The following MTRES1 variants were observed in gnomAD, a reference collection of about 807,000 sequenced individuals.
The protein encoded by MTRES1 is uncharacterized protein C6orf203.
MTRES1 carries 11 observed loss-of-function variants against 17.4 expected under a neutral mutation model. The observed-to-expected ratio is 0.63, with a 90% CI of 0.40 to 1.05. MTRES1 has a LOEUF of 1.05. Among genes scored for constraint, MTRES1 ranks in the 50% least tolerant of loss-of-function variants. MTRES1 has a pLI of 0.00. For synonymous variants in MTRES1, 94 were observed against 99.6 expected, an observed-to-expected ratio of 0.94 and a Z score of 0.34; for missense variants, 268 against 276.2, an observed-to-expected ratio of 0.97 and a Z score of 0.21.
At chr6:107,050,840 G>GC (rs1774577837) in intron 3 of MTRES1, among the ~76,000 whole-genome samples, 1 of 152,148 alleles carries the variant, frequency 6.6e-6, no homozygotes, top group African/African-American at 2.4e-5. Flanking sequence ...GCCTCCCAAA[G>GC]TGCTGGGATT....
Position 107,051,215 on chromosome 6 carries a change from TAAG to T in MTRES1, c.707_709del (p.Lys236del). 6.2e-7 allele frequency: 1 copy of T among 1,613,662 alleles called. No homozygotes were observed. The highest frequency in any genetic ancestry group is 8.5e-7 in the Non-Finnish European group (1 of 1,179,812). On this transcript the variant is annotated inframe_deletion, in exon 4 of 4. Coordinates refer to ENST00000311381, the MANE Select transcript of MTRES1 (RefSeq NM_016487.5). ...GGCGGTGGAAAAGTTTAAAGTTGCCTAAGAAGAGAATGTCTAAATAAATGGATT... is the reference window on the plus strand; with the variant it reads ...GGCGGTGGAAAAGTTTAAAGTTGCCTAAGAGAATGTCTAAATAAATGGATT...
intron 3 of MTRES1, among the ~76,000 whole-genome samples, chr6:107,045,881 G>A (rs1177318460): frequency 6.6e-6 from 1 of 152,192 alleles, no homozygotes; most frequent in African/African-American, 2.4e-5. Context: ...CCTGGGGTTG[G>A]AGGATCCGAA....
intron 2 of MTRES1, among the ~76,000 whole-genome samples, chr6:107,041,087 G>C (rs547145193): frequency 1.3e-5 from 2 of 151,020 alleles, no homozygotes; most frequent in African/African-American, 4.9e-5. Context: ...TTAGCCAGGC[G>C]TGGTGGCAGG....
chr6:107,040,255 T>C (rs553477922), intron 2 of MTRES1, 25 bp downstream of exon 2: 1 of 1,557,418 alleles, frequency 6.4e-7, no homozygotes, highest in African/African-American at 1.4e-5. Flanking sequence ...CATTTCATTA[T>C]AAACTCGCTC....
rs553069102 is a variant in MTRES1, at chr6:107,049,659, C to T, written c.544-1398C>T. ...CGATCTCCTGACCTTATGATCTGCC[C>T]ACCTCAGCCTCCCAAAGTACTGGGA... is the stretch of plus-strand genomic sequence containing the variant. On this transcript the variant is annotated intron_variant, in intron 3 of 3. Transcript: ENST00000311381. 1.5e-4 allele frequency among the ~76,000 whole-genome samples: 23 copies of T among 151,276 alleles called. No individual in the cohort carries two copies. In the East Asian group the frequency reaches 3.3e-3, roughly 22 times the overall value.
At chr6:107,036,807 G>A (rs564375617) in intron 1 of MTRES1, among the ~76,000 whole-genome samples, 4 of 150,060 alleles carry the variant, frequency 2.7e-5, no homozygotes, top group Admixed American at 6.7e-5. Context: ...CTGAGATCGC[G>A]CCACTGTACT....
chr6:107,040,058 A>C lies in MTRES1; in HGVS notation c.298A>C (p.Lys100Gln). Residue 100 changes from lysine (K) to glutamine (Q), a missense_variant, in exon 2 of 4, where the codon AAA (lysine) becomes CAA (glutamine). Coordinates refer to ENST00000311381, the MANE Select transcript of MTRES1 (RefSeq NM_016487.5). Reference sequence around the variant, plus strand: ...AAAATCTACTAAAAAGTCTCTGCAAAAAGTAGATGAAGAGGACTCTGATGA... The same window carrying C: ...AAAATCTACTAAAAAGTCTCTGCAACAAGTAGATGAAGAGGACTCTGATGA... ...STKSTKKSLQ[K>Q]VDEEDSDEES... 1 of 1,613,568 alleles carries C rather than the reference A, an allele frequency of 6.2e-7. No individual in the cohort carries two copies. Among genetic ancestry groups the C allele is most frequent in the Non-Finnish European group, 8.5e-7 (1 of 1,179,936 alleles).
intron 1 of MTRES1, among the ~76,000 whole-genome samples, chr6:107,030,678 G>T (rs543296959): frequency 1.3e-5 from 2 of 152,176 alleles, no homozygotes; most frequent in South Asian, 4.1e-4. Flanking sequence ...AATTTCCGCC[G>T]CCCAGAAAAA....
Position 107,028,233 on chromosome 6 carries a change from G to C in MTRES1, c.-51G>C, listed in dbSNP as rs576834224. On this transcript the variant is annotated 5_prime_UTR_variant, in exon 1 of 4. Transcript: ENST00000311381. The stretch of plus-strand genomic sequence containing the variant: ...GGGGTAGCCTGGAGGCCTGCAGTCC[G>C]CGCGGCCGCGGGGAGGGACGAGAGG... 6.6e-6 allele frequency: 1 copy of C among 152,280 alleles called. No homozygotes were observed. Among genetic ancestry groups the C allele is most frequent in the South Asian group, 2.1e-4 (1 of 4,830 alleles). The allele number at this position is 152,280 out of a possible 1,614,324, so 9.4% of individuals were successfully genotyped here.
intron 3 of MTRES1, among the ~76,000 whole-genome samples, chr6:107,049,738 T>TTTTTG (rs1774529441): frequency 1.1e-5 from 1 of 90,630 alleles, no homozygotes; most frequent in Non-Finnish European, 2.3e-5. Context: ...TTTTTTTTTT[T>TTTTTG]GAGACAGAGC....
At chr6:107,034,306 C>G (rs1408857686) in intron 1 of MTRES1, among the ~76,000 whole-genome samples, 2 of 152,052 alleles carry the variant, frequency 1.3e-5, no homozygotes, top group African/African-American at 4.8e-5. Flanking sequence ...TGTGGGCACC[C>G]AGGGTCTGAC....
intron 3 of MTRES1, 93 bp downstream of exon 3, chr6:107,044,425 C>T (rs1774324840): frequency 1.0e-6 from 1 of 968,422 alleles, no homozygotes; most frequent in Admixed American, 1.9e-5. Flanking sequence ...CCCTCTGGCT[C>T]CTCTTCTTTC....
intron 1 of MTRES1, among the ~76,000 whole-genome samples, chr6:107,030,438 G>A (rs78867543): frequency 0.011 from 1,641 of 152,200 alleles, 14 homozygotes; most frequent in African/African-American, 0.022. Context: ...ATTTATTATA[G>A]CAAAAGGATA....
At chr6:107,042,544 AG>A (rs1774255056) in intron 2 of MTRES1, among the ~76,000 whole-genome samples, 1 of 152,112 alleles carries the variant, frequency 6.6e-6, no homozygotes, top group Non-Finnish European at 1.5e-5. Context: ...TATCAAAAAA[AG>A]GTGTACTGAT....
chr6:107,040,230 A>G lies in MTRES1; in HGVS notation c.470A>G (p.Asn157Ser), dbSNP rs782257607. 3 of 1,583,134 alleles carry G rather than the reference A, an allele frequency of 1.9e-6. No homozygotes were observed. The highest frequency in any genetic ancestry group is 2.6e-6 in the Non-Finnish European group (3 of 1,170,162). Residue 157 changes from asparagine to serine, a missense_variant and splice_region_variant, in exon 2 of 4, where the codon AAC becomes AGC. Asn to Ser is a conservative substitution (Grantham distance 46, BLOSUM62 1). Coordinates refer to ENST00000311381, the MANE Select transcript of MTRES1 (RefSeq NM_016487.5). ...VLKTGLDIGR[N>S]KVEDAFYKGE... ...AAGACGGGGCTAGATATTGGGAGAA[A>G]GTGAGTATGATACGCATTTCATTAT...
At chr6:107,040,331 C>T in intron 2 of MTRES1, 101 bp downstream of exon 2, 1 of 1,038,182 alleles carries the variant, frequency 9.6e-7, no homozygotes, top group Non-Finnish European at 1.3e-6. Context: ...AGAATAACCA[C>T]AATAAAAGGA....
intron 1 of MTRES1, among the ~76,000 whole-genome samples, chr6:107,039,323 T>A (rs1321644251): frequency 6.6e-6 from 1 of 151,722 alleles, no homozygotes; most frequent in Non-Finnish European, 1.5e-5. Flanking sequence ...TGTTTTTTGG[T>A]TTTTTTTAAT....
chr6:107,031,968 G>A (rs1773860828), intron 1 of MTRES1, among the ~76,000 whole-genome samples: 1 of 152,100 alleles, frequency 6.6e-6, no homozygotes, highest in African/African-American at 2.4e-5. Context: ...AAGGTGTCTT[G>A]GCGACCAAGT....
intron 1 of MTRES1, among the ~76,000 whole-genome samples, chr6:107,034,591 G>C (rs1554226753): frequency 6.6e-6 from 1 of 152,208 alleles, no homozygotes; most frequent in African/African-American, 2.4e-5. Context: ...GATTTGAAGA[G>C]TATCTGTGTG....
Sources: gnomAD v4.1 joint callset for allele counts (sites outside exome capture counted in the v4.1 genomes callset) on GRCh38, gnomAD v4.1.1 for gene constraint, MANE v1.5 for transcripts, NCBI Gene and HGNC (gene_info 2026-07-23, HGNC 2026-07-21) for gene names.